Variants in CENPC observed in about 807,000 individuals in gnomAD.
The protein encoded by CENPC is CENP-C 1.
In CENPC, 63 loss-of-function variants were observed where a neutral mutation model predicts 112.1. That is an observed-to-expected ratio of 0.56 (90% CI 0.46 to 0.69). The LOEUF is 0.69. Ranked by LOEUF, CENPC falls within the 30% of genes least tolerant of loss-of-function variation. The pLI, the probability that CENPC is intolerant of heterozygous loss-of-function variation, is 0.00. For missense variants in CENPC, 1,000 were observed against 1,103.8 expected, an observed-to-expected ratio of 0.91 and a Z score of 1.33; for synonymous variants, 333 against 367.6, an observed-to-expected ratio of 0.91 and a Z score of 1.08.
At chr4:67,477,478 G>A (rs1447326794) in intron 17 of CENPC, among the ~76,000 whole-genome samples, 1 of 152,166 alleles carries the variant, frequency 6.6e-6, no homozygotes, top group African/African-American at 2.4e-5. Flanking sequence ...CTGCCTCTCA[G>A]GAAGCATAAT....
intron 12 of CENPC, among the ~76,000 whole-genome samples, chr4:67,498,710 C>T (rs28754895): frequency 0.22 from 32,997 of 152,088 alleles, 3,632 homozygotes; most frequent in South Asian, 0.27. Flanking sequence ...TGGCTATTTC[C>T]ACCACATCCA....
intron 12 of CENPC, among the ~76,000 whole-genome samples, chr4:67,501,393 CT>C (rs750753170): frequency 6.6e-6 from 1 of 152,332 alleles, no homozygotes; most frequent in East Asian, 1.9e-4. Flanking sequence ...ATTACATCCC[CT>C]AACTCCTAAC....
chr4:67,520,288 C>A (rs1182441818), intron 5 of CENPC, among the ~76,000 whole-genome samples: 5 of 152,318 alleles, frequency 3.3e-5, no homozygotes, highest in Non-Finnish European at 5.9e-5. Context: ...TCATACCAAG[C>A]CAGTCCCGCT....
At position 67,530,801 on chromosome 4, in the gene CENPC, G is replaced by A. The variant is rs1432396770; in HGVS notation, c.331+14C>T. Reference sequence around the variant, plus strand: ...TATATCCAAGCAAATAATGCCCATGGAGATGGCACCAACCTGATCTGTTTG... The same window carrying A: ...TATATCCAAGCAAATAATGCCCATGAAGATGGCACCAACCTGATCTGTTTG... On this transcript the variant is annotated intron_variant, in intron 5 of 18. Coordinates refer to ENST00000273853, the MANE Select transcript of CENPC (RefSeq NM_001812.4). 1 of 1,374,216 alleles carries A rather than the reference G, an allele frequency of 7.3e-7. No homozygotes were observed. The highest frequency in any genetic ancestry group is 1.0e-6 in the Non-Finnish European group (1 of 989,980). 85.1% of individuals were successfully genotyped at this position (1,374,216 alleles called of 1,614,324 possible).
chr4:67,476,066 T>C (rs774448645), intron 17 of CENPC, among the ~76,000 whole-genome samples: 1 of 152,160 alleles, frequency 6.6e-6, no homozygotes, highest in Non-Finnish European at 1.5e-5. Context: ...ATTACTCACA[T>C]GTTTGTGGTG....
At chr4:67,495,250 G>T in intron 12 of CENPC, 38 bp from the exon 13 acceptor site, 6 of 1,456,014 alleles carry the variant, frequency 4.1e-6, no homozygotes, top group Non-Finnish European at 5.5e-6. Flanking sequence ...AGAAATGACT[G>T]CTAATTCCAT....
chr4:67,493,742 C>A (rs954172378), intron 14 of CENPC, 142 bp downstream of exon 14: 6 of 571,988 alleles, frequency 1.0e-5, no homozygotes, highest in Non-Finnish European at 1.5e-5. Context: ...ATTAATCAGA[C>A]AAAAATGAAT....
chr4:67,533,779 T>G (rs902868214), intron 4 of CENPC, among the ~76,000 whole-genome samples: 9 of 152,222 alleles, frequency 5.9e-5, no homozygotes, highest in African/African-American at 2.2e-4. Context: ...GGCTCACACC[T>G]GTAATCCCAG....
At chr4:67,477,768 G>C (rs895246350) in intron 17 of CENPC, among the ~76,000 whole-genome samples, 4 of 151,956 alleles carry the variant, frequency 2.6e-5, no homozygotes, top group African/African-American at 9.7e-5. Context: ...AGGCACCAGA[G>C]AAAGATGAAA....
chr4:67,482,675 T>G (rs1414410803), intron 17 of CENPC, among the ~76,000 whole-genome samples: 1 of 152,108 alleles, frequency 6.6e-6, no homozygotes, highest in African/African-American at 2.4e-5. Flanking sequence ...ATGTTCTCAC[T>G]TATAAGTGGG....
intron 18 of CENPC, 67 bp downstream of exon 18, chr4:67,474,821 G>A: frequency 2.3e-6 from 2 of 865,034 alleles, no homozygotes; most frequent in Admixed American, 2.3e-5. Context: ...GACCACTGTG[G>A]CTTCCATTTC....
intron 2 of CENPC, among the ~76,000 whole-genome samples, chr4:67,542,592 T>C (rs542430337): frequency 6.6e-6 from 1 of 152,276 alleles, no homozygotes; most frequent in Admixed American, 6.5e-5. Context: ...TTAGATTTCC[T>C]AGGGTGATGG....
chr4:67,536,131 A>C (rs1726711602), intron 4 of CENPC, among the ~76,000 whole-genome samples: 1 of 152,204 alleles, frequency 6.6e-6, no homozygotes, highest in African/African-American at 2.4e-5. Flanking sequence ...ACCTGTAACA[A>C]CACAGATAAT....
At chr4:67,516,095 T>C (rs748936493) in intron 7 of CENPC, among the ~76,000 whole-genome samples, 5 of 152,012 alleles carry the variant, frequency 3.3e-5, no homozygotes, top group African/African-American at 9.7e-5. Context: ...TAAATTTTCA[T>C]AAAAGCATGT....
At chr4:67,478,215 C>A (rs1046453993) in intron 17 of CENPC, among the ~76,000 whole-genome samples, 1 of 152,060 alleles carries the variant, frequency 6.6e-6, no homozygotes, top group South Asian at 2.1e-4. Context: ...GAAAATTCAT[C>A]GCAAAAAGAT....
chr4:67,535,754 G>A (rs768180902), intron 4 of CENPC, among the ~76,000 whole-genome samples: 6 of 151,914 alleles, frequency 3.9e-5, no homozygotes, highest in East Asian at 1.9e-4. Flanking sequence ...TGTTGTGGTC[G>A]GAAGTAGAAA....
At chr4:67,498,605 T>C (rs2109785644) in intron 12 of CENPC, among the ~76,000 whole-genome samples, 1 of 152,358 alleles carries the variant, frequency 6.6e-6, no homozygotes, top group South Asian at 2.1e-4. Context: ...TCCTTCGTTC[T>C]TCCATAAGAA....
Position 67,472,663 on chromosome 4 carries a change from T to TAAC in CENPC, c.2773_2774insGTT (p.Asn925delinsSerTyr). 1 of 1,506,262 alleles carries TAAC rather than the reference T, an allele frequency of 6.6e-7. No individual in the cohort carries two copies. The allele number at this position is 1,506,262 out of a possible 1,614,324, so 93.3% of individuals were successfully genotyped here. A position where few individuals can be genotyped will look rare whatever the true frequency, so the allele number is the denominator to read the frequency against. ...TTCCTCATTCCGGAGATTTTTGATGTTATAATAGTTACCTAAAAGTAAAGT... is the reference window on the plus strand; with the variant it reads ...TTCCTCATTCCGGAGATTTTTGATGTAACTATAATAGTTACCTAAAAGTAAAGT... On this transcript the variant is annotated protein_altering_variant, in exon 19 of 19. Transcript: ENST00000273853.
At chr4:67,498,466 G>A (rs759079032) in intron 12 of CENPC, among the ~76,000 whole-genome samples, 4 of 152,106 alleles carry the variant, frequency 2.6e-5, no homozygotes, top group African/African-American at 4.8e-5. Context: ...TTTCAAAACC[G>A]CAATCAATCC....
Sources: gnomAD v4.1 joint callset for allele counts (sites outside exome capture counted in the v4.1 genomes callset) on GRCh38, gnomAD v4.1.1 for gene constraint, MANE v1.5 for transcripts, NCBI Gene and HGNC (gene_info 2026-07-23, HGNC 2026-07-21) for gene names.